The following DTNB variants were observed in gnomAD, a reference collection of about 807,000 sequenced individuals.
The protein encoded by DTNB is DTN-B.
Under a neutral mutation model 90.7 loss-of-function variants are expected in DTNB, and 63 were observed. The ratio of observed to expected loss-of-function variants is 0.69; its 90% CI spans 0.57 to 0.86. The LOEUF (loss-of-function observed/expected upper bound fraction) is 0.86, where lower values mean the gene tolerates loss of function less well. Ranked by LOEUF, DTNB falls within the 40% of genes least tolerant of loss-of-function variation. DTNB has a pLI of 0.00. For synonymous variants in DTNB, 277 were observed against 286.7 expected, an observed-to-expected ratio of 0.97 and a Z score of 0.34; for missense variants, 744 against 807.1, an observed-to-expected ratio of 0.92 and a Z score of 0.95.
chr2:25,628,391 G>A lies in DTNB; in HGVS notation c.149-7C>T, dbSNP rs1241684110. 11 of 1,609,774 alleles carry A rather than the reference G, an allele frequency of 6.8e-6. No homozygotes were observed. The highest frequency in any genetic ancestry group is 9.3e-6 in the Non-Finnish European group (11 of 1,178,356). ...CAGATATCAACAAGATGAACTAAAAGACAAAGAAAATAAACTGTCAACAAT... is the reference window on the plus strand; with the variant it reads ...CAGATATCAACAAGATGAACTAAAAAACAAAGAAAATAAACTGTCAACAAT... On this transcript the variant is annotated splice_region_variant and splice_polypyrimidine_tract_variant and intron_variant, in intron 3 of 20. Transcript: ENST00000406818.
intron 9 of DTNB, among the ~76,000 whole-genome samples, chr2:25,500,380 T>C (rs1175772880): frequency 6.6e-6 from 1 of 152,134 alleles, no homozygotes; most frequent in Non-Finnish European, 1.5e-5. Context: ...GGAGGAGTAA[T>C]GAGGCCTAAA....
At chr2:25,444,993 G>A (rs914963363) in intron 12 of DTNB, among the ~76,000 whole-genome samples, 1 of 152,078 alleles carries the variant, frequency 6.6e-6, no homozygotes, top group Non-Finnish European at 1.5e-5. Context: ...TTCTAACAAC[G>A]ATCATTTCCA....
intron 16 of DTNB, among the ~76,000 whole-genome samples, chr2:25,406,137 T>A (rs2045103662): frequency 1.3e-5 from 2 of 152,166 alleles, no homozygotes; most frequent in South Asian, 4.2e-4. Context: ...GGCCCACCCT[T>A]CCGATAGCCA....
At chr2:25,482,394 T>A (rs1186398941) in intron 10 of DTNB, among the ~76,000 whole-genome samples, 2 of 152,140 alleles carry the variant, frequency 1.3e-5, no homozygotes, top group Non-Finnish European at 1.5e-5. Context: ...ATTAATTCAA[T>A]TTACACAGTC....
rs575490433 is a variant in DTNB at position 25,631,413 on chromosome 2, A to AT, written c.149-3030dup. Among the ~76,000 whole-genome samples, 378 of 151,988 alleles carry AT rather than the reference A, an allele frequency of 2.5e-3. 2 individuals are homozygous for AT. Among genetic ancestry groups the AT allele is most frequent in the Non-Finnish European group, 4.0e-3 (270 of 67,954 alleles). ...TAGTGGAATCCCATCTCCACAAAAA[A>AT]TTTTTTTTAATTAGCTAGGCATAGT... On this transcript the variant is annotated intron_variant, in intron 3 of 20. Coordinates refer to ENST00000406818, the MANE Select transcript of DTNB (RefSeq NM_021907.5).
intron 3 of DTNB, among the ~76,000 whole-genome samples, chr2:25,636,022 TC>T (rs1307123850): frequency 6.6e-6 from 1 of 152,204 alleles, no homozygotes; most frequent in Non-Finnish European, 1.5e-5. Flanking sequence ...ATGAATATGT[TC>T]ATATTCAATG....
chr2:25,406,212 C>A (rs530154358), intron 16 of DTNB, among the ~76,000 whole-genome samples: 3 of 152,078 alleles, frequency 2.0e-5, no homozygotes, highest in Non-Finnish European at 4.4e-5. Flanking sequence ...GGGAAAGGTT[C>A]TCTGGACTCA....
intron 8 of DTNB, among the ~76,000 whole-genome samples, chr2:25,556,138 C>T (rs962541814): frequency 1.7e-3 from 253 of 144,734 alleles, no homozygotes; most frequent in African/African-American, 6.1e-3. Flanking sequence ...CATTTCACTA[C>T]TAATGGATGT....
Position 25,387,187 on chromosome 2 carries a change from G to T in DTNB, c.1825+102C>A. 1 of 1,107,878 alleles carries T rather than the reference G, an allele frequency of 9.0e-7. No individual in the cohort carries two copies. Among genetic ancestry groups the T allele is most frequent in the Non-Finnish European group, 1.3e-6 (1 of 765,006 alleles). The allele number at this position is 1,107,878 out of a possible 1,614,324, so 68.6% of individuals were successfully genotyped here. ...AAGTTAGGTGATGAAATGGGGTGGT[G>T]CAAGCTGGGTGGTGAGGTTCTGCCG... is the stretch of plus-strand genomic sequence containing the variant. On this transcript the variant is annotated intron_variant, in intron 18 of 20. Transcript: ENST00000406818. The surrounding 1 kb of genome is among the most constrained non-coding windows in gnomAD (Gnocchi z 4.5).
chr2:25,577,406 CAGCCTGGGCGACAG>C (rs536400999), intron 7 of DTNB, among the ~76,000 whole-genome samples: 125 of 152,170 alleles, frequency 8.2e-4, no homozygotes, highest in Non-Finnish European at 1.5e-3. Flanking sequence ...CACTGCATTC[CAGCCTGGGCGACAG>C]AGCAAGATTC....
At chr2:25,441,145 G>A (rs2057291805) in intron 12 of DTNB, among the ~76,000 whole-genome samples, 1 of 152,144 alleles carries the variant, frequency 6.6e-6, no homozygotes, top group Non-Finnish European at 1.5e-5. Flanking sequence ...CCGATTCTTT[G>A]AACGTTTTCT....
intron 8 of DTNB, among the ~76,000 whole-genome samples, chr2:25,552,930 G>A (rs1366395485): frequency 7.5e-6 from 1 of 133,040 alleles, no homozygotes; most frequent in African/African-American, 2.8e-5. Context: ...GCGCAATCTC[G>A]GCTCACTGCA....
intron 16 of DTNB, among the ~76,000 whole-genome samples, chr2:25,418,501 C>T (rs992860019): frequency 2.0e-5 from 3 of 152,026 alleles, no homozygotes; most frequent in Admixed American, 6.6e-5. Flanking sequence ...GAGTTCGAGA[C>T]CAGCCTGGCC....
chr2:25,440,633 T>C (rs1386025546), intron 12 of DTNB, among the ~76,000 whole-genome samples: 2 of 152,218 alleles, frequency 1.3e-5, no homozygotes, highest in Non-Finnish European at 2.9e-5. Flanking sequence ...TTCAAGTATA[T>C]AGGTATCATT....
chr2:25,435,221 A>G (rs761668622), intron 12 of DTNB, among the ~76,000 whole-genome samples: 3 of 152,170 alleles, frequency 2.0e-5, no homozygotes, highest in Non-Finnish European at 2.9e-5. Context: ...GGGTTTCACC[A>G]TATTGGCGAG....
Position 25,427,595 on chromosome 2 carries a change from G to C in DTNB, c.1494C>G (p.Ala498=). The change falls in exon 15 of 21, where the codon GCC becomes GCG. Residue 498 remains alanine (A), a synonymous_variant. Coordinates refer to ENST00000406818, the MANE Select transcript of DTNB (RefSeq NM_021907.5). ...TCAGCTCCCGCCTGCTCTCCTGCAG[G>C]GCCGACATCCTCTGCTCCAGTTCAT... ...RKDELEQRMS[A]LQESRRELMV... 1.2e-6 allele frequency: 2 copies of C among 1,613,588 alleles called. No individual in the cohort carries two copies. The highest frequency in any genetic ancestry group is 1.7e-6 in the Non-Finnish European group (2 of 1,179,818).
chr2:25,653,293 TTTA>T (rs1164818452), intron 1 of DTNB: 1 of 152,564 alleles, frequency 6.6e-6, no homozygotes, highest in African/African-American at 2.4e-5. Context: ...ATCTGATGGG[TTTA>T]TCAGGGGTTT....
At chr2:25,660,514 T>G (rs1394311368) in intron 1 of DTNB, among the ~76,000 whole-genome samples, 1 of 152,096 alleles carries the variant, frequency 6.6e-6, no homozygotes, top group Non-Finnish European at 1.5e-5. Flanking sequence ...AAATTAATAG[T>G]GATGGTTGCA....
At chr2:25,614,800 C>A (rs1197848498) in intron 4 of DTNB, among the ~76,000 whole-genome samples, 1 of 152,206 alleles carries the variant, frequency 6.6e-6, no homozygotes, top group African/African-American at 2.4e-5. Context: ...TTCCTACTCT[C>A]TTACACAGCA....
Sources: gnomAD v4.1 joint callset for allele counts (sites outside exome capture counted in the v4.1 genomes callset) on GRCh38, gnomAD v4.1.1 for gene constraint, Gnocchi (gnomAD v3.1) non-coding constraint, MANE v1.5 for transcripts, NCBI Gene and HGNC (gene_info 2026-07-23, HGNC 2026-07-21) for gene names.